Variants in MCU observed in about 807,000 individuals in gnomAD.
MCU encodes mitochondrial calcium uniporter, also known as calcium uniporter protein, mitochondrial.
A neutral mutation model predicts 45.2 loss-of-function variants in MCU; 12 were observed. That is an observed-to-expected ratio of 0.27 (90% CI 0.17 to 0.43). The LOEUF is 0.43. Ranked by LOEUF, MCU falls within the 20% of genes least tolerant of loss-of-function variation. The pLI is 1.00. For missense variants in MCU, 324 were observed against 436.7 expected (o/e 0.74, Z 2.30); for synonymous variants, 160 against 165.1 (o/e 0.97, Z 0.24).
chr10:72,824,631 A>C (rs1275949635), intron 1 of MCU, among the ~76,000 whole-genome samples: 1 of 152,208 alleles, frequency 6.6e-6, no homozygotes, highest in Non-Finnish European at 1.5e-5. Context: ...ATGGAAAAAG[A>C]ATTCGAAAAC....
chr10:72,743,412 CAAAAAAAAAA>C (rs374429962), intron 1 of MCU, among the ~76,000 whole-genome samples: 18 of 74,442 alleles, frequency 2.4e-4, no homozygotes, highest in African/African-American at 9.7e-4. Context: ...TACTCCATCT[CAAAAAAAAAA>C]AAAAAAAAAA....
intron 6 of MCU, among the ~76,000 whole-genome samples, chr10:72,877,749 G>T (rs1845638282): frequency 6.6e-6 from 1 of 152,164 alleles, no homozygotes; most frequent in Non-Finnish European, 1.5e-5. Context: ...TATGCTAATT[G>T]AGGAGAGTAT....
At chr10:72,868,476 C>T (rs1315597276) in intron 4 of MCU, among the ~76,000 whole-genome samples, 1 of 151,406 alleles carries the variant, frequency 6.6e-6, no homozygotes, top group Non-Finnish European at 1.5e-5. Flanking sequence ...TACTTGAGCC[C>T]TGGAGGTAGG....
chr10:72,779,050 A>G (rs903090447), intron 1 of MCU, among the ~76,000 whole-genome samples: 67 of 151,802 alleles, frequency 4.4e-4, no homozygotes, highest in African/African-American at 1.6e-3. Flanking sequence ...GCTCCCTGCA[A>G]CCTCCGCCTC....
chr10:72,805,073 G>GTTTC (rs1844410111), intron 1 of MCU, among the ~76,000 whole-genome samples: 1 of 144,064 alleles, frequency 6.9e-6, no homozygotes. Context: ...CCTGGCCCTA[G>GTTTC]TTTGTTTCTT....
In MCU at chr10:72,877,321, G is replaced by A. The variant is rs577075018; in HGVS notation, c.861+5741G>A. ...AGAAAGATTTGAATAAACTTAGTGT[G>A]TATATTTGCATCCTAAGCAAACATA... On this transcript the variant is annotated intron_variant, in intron 6 of 7. Transcript: ENST00000373053. Among the ~76,000 whole-genome samples, 220 of 152,284 alleles carry A rather than the reference G, an allele frequency of 1.4e-3. 2 individuals are homozygous for A. The highest frequency in any genetic ancestry group is 4.8e-3 in the African/African-American group (201 of 41,560).
intron 1 of MCU, among the ~76,000 whole-genome samples, chr10:72,780,551 T>TGTGTGTGTGTGTGTGTGTGTGTGTGTG (rs1554823562): frequency 1.2e-4 from 18 of 144,032 alleles, no homozygotes; most frequent in Admixed American, 1.4e-4. Flanking sequence ...TGTGTGTGTG[T>TGTGTGTGTGTGTGTGTGTGTGTGTGTG]TGGGTGAATT....
chr10:72,704,704 A>ACTTTT lies in MCU; in HGVS notation c.150+12403_150+12404insCTTTT, dbSNP rs1435890480. Among the ~76,000 whole-genome samples, 5 of 106,746 alleles carry ACTTTT rather than the reference A, an allele frequency of 4.7e-5. 1 individual carries two copies. The highest frequency in any genetic ancestry group is 4.4e-5 in the African/African-American group (1 of 22,776). The allele number at this position is 106,746 out of a possible 152,430, so 70.0% of individuals were successfully genotyped here. ...AGGCATGCACTGTCATGCCTGGATA[A>ACTTTT]TTTTTTTTTTTTTTTTTTTTTTTTT... On this transcript the variant is annotated intron_variant, in intron 1 of 7. Coordinates refer to ENST00000373053, the MANE Select transcript of MCU (RefSeq NM_138357.3).
chr10:72,800,085 A>T (rs531317442), intron 1 of MCU, among the ~76,000 whole-genome samples: 29 of 152,328 alleles, frequency 1.9e-4, no homozygotes, highest in African/African-American at 6.3e-4. Flanking sequence ...AACATGCTGC[A>T]GTCAAAACGC....
intron 1 of MCU, among the ~76,000 whole-genome samples, chr10:72,820,398 C>T (rs922601540): frequency 6.6e-6 from 1 of 152,080 alleles, no homozygotes; most frequent in Non-Finnish European, 1.5e-5. Flanking sequence ...TGACCTCATG[C>T]TCATAGTTGC....
intron 2 of MCU, among the ~76,000 whole-genome samples, chr10:72,854,016 C>T (rs1564575169): frequency 6.6e-6 from 1 of 152,052 alleles, no homozygotes; most frequent in Non-Finnish European, 1.5e-5. Flanking sequence ...TACCTGTAAT[C>T]CCAGCTATTG....
At chr10:72,782,637 G>A (rs1356551044) in intron 1 of MCU, among the ~76,000 whole-genome samples, 1 of 152,112 alleles carries the variant, frequency 6.6e-6, no homozygotes, top group Admixed American at 6.6e-5. Flanking sequence ...CAAAGTGTTG[G>A]GATTACAGGC....
intron 1 of MCU, among the ~76,000 whole-genome samples, chr10:72,703,662 T>C (rs1180878349): frequency 6.6e-6 from 1 of 152,120 alleles, no homozygotes; most frequent in African/African-American, 2.4e-5. Flanking sequence ...CCCAGCACTT[T>C]GGGAGGTGGA....
intron 6 of MCU, among the ~76,000 whole-genome samples, chr10:72,873,658 G>T (rs1845580515): frequency 6.6e-6 from 1 of 152,036 alleles, no homozygotes; most frequent in Non-Finnish European, 1.5e-5. Context: ...TGCTTTTTGA[G>T]GTCTTACAAA....
intron 1 of MCU, among the ~76,000 whole-genome samples, chr10:72,706,834 CTT>C (rs35632322): frequency 9.7e-5 from 13 of 133,380 alleles, no homozygotes; most frequent in Admixed American, 1.5e-4. Flanking sequence ...CGCACCCGGC[CTT>C]TTTTTTTTTT....
chr10:72,716,711 C>A (rs1842959077), intron 1 of MCU, among the ~76,000 whole-genome samples: 2 of 150,682 alleles, frequency 1.3e-5, no homozygotes, highest in African/African-American at 4.9e-5. Context: ...TAGTGAGGCC[C>A]CATTAAAAAA....
chr10:72,854,384 A>G (rs1373747002), intron 2 of MCU, among the ~76,000 whole-genome samples: 1 of 152,240 alleles, frequency 6.6e-6, no homozygotes, highest in Admixed American at 6.5e-5. Flanking sequence ...ATCATATACT[A>G]TGCAAAACAA....
At chr10:72,876,048 C>T (rs1284448473) in intron 6 of MCU, among the ~76,000 whole-genome samples, 4 of 152,176 alleles carry the variant, frequency 2.6e-5, no homozygotes, top group Admixed American at 2.6e-4. Flanking sequence ...TAAAAAGCTA[C>T]TTAGGGTGGC....
intron 1 of MCU, among the ~76,000 whole-genome samples, chr10:72,726,830 TCTTATAGTTG>T (rs1843108372): frequency 6.6e-6 from 1 of 152,186 alleles, no homozygotes; most frequent in Non-Finnish European, 1.5e-5. Flanking sequence ...TATATAGTCT[TCTTATAGTTG>T]TTAGTTATAG....
Sources: gnomAD v4.1 joint callset for allele counts (sites outside exome capture counted in the v4.1 genomes callset) on GRCh38, gnomAD v4.1.1 for gene constraint, MANE v1.5 for transcripts, NCBI Gene and HGNC (gene_info 2026-07-23, HGNC 2026-07-21) for gene names.